Variants in ANAPC13 observed in about 807,000 individuals in gnomAD.
ANAPC13 encodes anaphase promoting complex subunit 13, also known as anaphase-promoting complex subunit 13.
Under a neutral mutation model 9.6 loss-of-function variants are expected in ANAPC13, and 9 were observed. The observed-to-expected ratio is 0.94, with a 90% confidence interval of 0.57 to 1.64. ANAPC13 has a LOEUF of 1.64. Among genes scored for constraint, ANAPC13 ranks in the 40% most tolerant of loss-of-function variants. The pLI is 0.00. For synonymous variants in ANAPC13, 30 were observed against 29.7 expected (o/e 1.01, Z -0.03); for missense variants, 75 against 85.3 (o/e 0.88, Z 0.48).
chr3:134,485,953 G>T lies in ANAPC13; in HGVS notation c.-29C>A, dbSNP rs1409057206. Reference sequence around the variant, plus strand: ...GCCGGGGGCGCTGGAAACCCTTACCGGCACCCGGCCACCGCGGCAGACGCT... The same window carrying T: ...GCCGGGGGCGCTGGAAACCCTTACCTGCACCCGGCCACCGCGGCAGACGCT... On this transcript the variant is annotated splice_region_variant and 5_prime_UTR_variant, in exon 1 of 3. Transcript: ENST00000354910. The T allele has an allele frequency of 2.0e-6, 2 of 982,040 alleles. No individual in the cohort carries two copies. The highest frequency in any genetic ancestry group is 1.2e-4 in the East Asian group (1 of 8,654). The allele number at this position is 982,040 out of a possible 1,614,324, so 60.8% of individuals were successfully genotyped here.
chr3:134,483,506 C>G (rs1934787008), intron 1 of ANAPC13, among the ~76,000 whole-genome samples: 1 of 152,218 alleles, frequency 6.6e-6, no homozygotes, highest in South Asian at 2.1e-4. Flanking sequence ...TTTGGGGTAG[C>G]TCCTTCCTCG....
rs887904714 is a variant in ANAPC13, at chr3:134,477,894, G to A, written c.*696C>T. On this transcript the variant is annotated 3_prime_UTR_variant, in exon 3 of 3. Coordinates refer to ENST00000354910, the MANE Select transcript of ANAPC13 (RefSeq NM_015391.4). ...TCAAAATACAGGTTCTTATACAAAT[G>A]TATAACTAAATACTGATTCCATAGT... 1.3e-5 allele frequency: 2 copies of A among 152,154 alleles called. No homozygotes were observed. Among genetic ancestry groups the A allele is most frequent in the African/African-American group, 4.8e-5 (2 of 41,446 alleles). The allele number at this position is 152,154 out of a possible 1,614,324, so 9.4% of individuals were successfully genotyped here. A position where few individuals can be genotyped will look rare whatever the true frequency, so the allele number is the denominator to read the frequency against.
At chr3:134,479,871 A>C (rs1934697803) in intron 2 of ANAPC13, among the ~76,000 whole-genome samples, 1 of 152,180 alleles carries the variant, frequency 6.6e-6, no homozygotes, top group African/African-American at 2.4e-5. Flanking sequence ...ATGTATTACT[A>C]CTGAAACTCT....
chr3:134,482,717 A>C, intron 2 of ANAPC13, 89 bp downstream of exon 2: 1 of 1,026,334 alleles, frequency 9.7e-7, no homozygotes, highest in Non-Finnish European at 1.5e-6. Flanking sequence ...TCTTTGCCAC[A>C]CTAGTTTATC....
At chr3:134,482,735 G>A in intron 2 of ANAPC13, 71 bp downstream of exon 2, 2 of 1,206,440 alleles carry the variant, frequency 1.7e-6, no homozygotes, top group African/African-American at 1.5e-5. Flanking sequence ...ATCTTCCATT[G>A]ATATCCCTCC....
chr3:134,482,683 T>G, intron 2 of ANAPC13, 123 bp downstream of exon 2: 1 of 838,342 alleles, frequency 1.2e-6, no homozygotes, highest in Non-Finnish European at 2.0e-6. Context: ...GCTTCTAGAG[T>G]TAGAGAATTC....
intron 1 of ANAPC13, among the ~76,000 whole-genome samples, chr3:134,484,010 G>A (rs1373603689): frequency 6.6e-6 from 1 of 152,194 alleles, no homozygotes; most frequent in Non-Finnish European, 1.5e-5. Flanking sequence ...CCAGTTTAGT[G>A]TTATCTCAGT....
chr3:134,481,369 G>A (rs1934730731), intron 2 of ANAPC13, among the ~76,000 whole-genome samples: 1 of 152,096 alleles, frequency 6.6e-6, no homozygotes, highest in Admixed American at 6.5e-5. Context: ...GACTCACCAT[G>A]TCCCAAAGCC....
intron 1 of ANAPC13, chr3:134,485,346 C>T (rs1325793233): frequency 1.3e-5 from 2 of 152,274 alleles, no homozygotes; most frequent in African/African-American, 4.8e-5. Flanking sequence ...CTGCAATGCT[C>T]TTTGTTTCTT....
Position 134,485,978 on chromosome 3 carries a change from T to C in ANAPC13, c.-54A>G. On this transcript the variant is annotated 5_prime_UTR_variant, in exon 1 of 3. Transcript: ENST00000354910. ...GGCACCCGGCCACCGCGGCAGACGC[T>C]TGCTCCTGCCACGCCCCCCCCCCCT... 5 of 938,936 alleles carry C rather than the reference T, an allele frequency of 5.3e-6. No individual in the cohort carries two copies. The highest frequency in any genetic ancestry group is 6.1e-6 in the Non-Finnish European group (5 of 813,382). The allele number at this position is 938,936 out of a possible 1,614,324, so 58.2% of individuals were successfully genotyped here.
Position 134,478,346 on chromosome 3 carries a change from C to T in ANAPC13, c.*244G>A. The T allele has an allele frequency of 2.3e-6, 1 of 433,580 alleles. No individual in the cohort carries two copies. Among genetic ancestry groups the T allele is most frequent in the Non-Finnish European group, 4.0e-6 (1 of 249,300 alleles). 26.9% of individuals were successfully genotyped at this position (433,580 alleles called of 1,614,324 possible). On this transcript the variant is annotated 3_prime_UTR_variant, in exon 3 of 3. Coordinates refer to ENST00000354910, the MANE Select transcript of ANAPC13 (RefSeq NM_015391.4). Reference sequence around the variant, plus strand: ...TCAGAGGTAGAGGCAAATGTTTAACCAATCATGTTCAAATATAAGCTACTC... The same window carrying T: ...TCAGAGGTAGAGGCAAATGTTTAACTAATCATGTTCAAATATAAGCTACTC...
chr3:134,483,190 C>T (rs531280678), intron 1 of ANAPC13: 23 of 398,474 alleles, frequency 5.8e-5, no homozygotes, highest in Non-Finnish European at 8.2e-5. Flanking sequence ...ACACGTTAAA[C>T]GAGGCCCTCA....
At chr3:134,478,809 GAACAGGC>G (rs1934668768) in intron 2 of ANAPC13, 94 bp from the exon 3 acceptor site, 1 of 1,398,250 alleles carries the variant, frequency 7.2e-7, no homozygotes, top group East Asian at 2.3e-5. Flanking sequence ...GAGTTCCTAG[GAACAGGC>G]AACATAATTG....
Position 134,482,851 on chromosome 3 carries a change from A to G in ANAPC13, c.54T>C (p.Ala18=). The G allele has an allele frequency of 6.2e-7, 1 of 1,614,222 alleles. No individual in the cohort carries two copies. ...CATAAGGCAGCTTGTCTTCTCGCCA[A>G]GCATCATCAATCAAATCCAAGATCC... ...DGRILDLIDD[A]WREDKLPYED... is the part of the protein sequence containing the mutation. The change falls in exon 2 of 3, where the codon GCT becomes GCC. Residue 18 remains alanine (A), a synonymous_variant. Transcript: ENST00000354910.
At chr3:134,483,018 G>A (rs1934774102) in intron 1 of ANAPC13, 87 bp from the exon 2 acceptor site, 1 of 892,656 alleles carries the variant, frequency 1.1e-6, no homozygotes, top group African/African-American at 1.7e-5. Context: ...TTTTTAGTCT[G>A]GGGCCACCTT....
intron 1 of ANAPC13, chr3:134,483,228 G>C: frequency 3.3e-6 from 1 of 302,182 alleles, no homozygotes; most frequent in South Asian, 6.2e-5. Flanking sequence ...TCTCAATGTA[G>C]CTCTTCTCTT....
At chr3:134,482,763 G>T in intron 2 of ANAPC13, 43 bp downstream of exon 2, 1 of 1,504,978 alleles carries the variant, frequency 6.6e-7, no homozygotes, top group Non-Finnish European at 9.3e-7. Flanking sequence ...GTTACTGCCA[G>T]ATCAATACCT....
chr3:134,483,945 C>T (rs1215424156), intron 1 of ANAPC13, among the ~76,000 whole-genome samples: 1 of 152,214 alleles, frequency 6.6e-6, no homozygotes, highest in Non-Finnish European at 1.5e-5. Flanking sequence ...CAACTTCAGA[C>T]ATCGTCTTGC....
chr3:134,479,809 G>C (rs906835204), intron 2 of ANAPC13, among the ~76,000 whole-genome samples: 1 of 152,160 alleles, frequency 6.6e-6, no homozygotes, highest in African/African-American at 2.4e-5. Context: ...GGTAAGTCAT[G>C]GGCCACACTT....
Sources: gnomAD v4.1 joint callset for allele counts (sites outside exome capture counted in the v4.1 genomes callset) on GRCh38, gnomAD v4.1.1 for gene constraint, MANE v1.5 for transcripts, NCBI Gene and HGNC (gene_info 2026-07-23, HGNC 2026-07-21) for gene names.